CACNA2D3: variants seen among roughly 807,000 people sequenced by gnomAD.
The protein encoded by CACNA2D3 is calcium voltage-gated channel auxiliary subunit alpha2delta 3.
CACNA2D3 carries 60 observed loss-of-function variants against 160.6 expected under a neutral mutation model. The ratio of observed to expected loss-of-function variants is 0.37; its 90% CI spans 0.30 to 0.46. The LOEUF (loss-of-function observed/expected upper bound fraction) is 0.46. Ranked by LOEUF, CACNA2D3 falls within the 20% of genes least tolerant of loss-of-function variation. CACNA2D3 has a pLI of 1.00. For missense variants in CACNA2D3, 1,205 were observed against 1,365.0 expected (o/e 0.88, Z 1.85); for synonymous variants, 558 against 492.9 (o/e 1.13, Z -1.75).
At chr3:54,554,870 C>CTTTTTTTTT (rs66526065) in intron 5 of CACNA2D3, among the ~76,000 whole-genome samples, 1,115 of 95,954 alleles carry the variant, frequency 0.012, 44 homozygotes, top group African/African-American at 0.017. Context: ...CTCTCACTCT[C>CTTTTTTTTT]TTTTTTTTTT....
In CACNA2D3 at chr3:54,972,472, G is replaced by A. The variant is rs114130417; in HGVS notation, c.2556+2628G>A. Among the ~76,000 whole-genome samples the A allele has an allele frequency of 8.9e-3, 1,356 of 152,260 alleles. 22 individuals carry two copies. The highest frequency in any genetic ancestry group is 0.029 in the African/African-American group (1,205 of 41,554). On this transcript the variant is annotated intron_variant, in intron 29 of 37. Coordinates refer to ENST00000474759, the MANE Select transcript of CACNA2D3 (RefSeq NM_018398.3). ...TTTTGTAACTTTTAATTAGGCATAT[G>A]AGACCATGTTCCTCTCCCCCAACTG...
chr3:55,005,450 A>G (rs1703074886), intron 32 of CACNA2D3, among the ~76,000 whole-genome samples: 1 of 152,178 alleles, frequency 6.6e-6, no homozygotes, highest in Admixed American at 6.6e-5. Flanking sequence ...TCTCATTTGT[A>G]TATAAAAGAA....
chr3:54,228,687 G>A (rs985756609), intron 2 of CACNA2D3, among the ~76,000 whole-genome samples: 6 of 152,180 alleles, frequency 3.9e-5, no homozygotes, highest in African/African-American at 1.4e-4. Context: ...GCTCTCAGCA[G>A]GCCTCTCCTG....
intron 2 of CACNA2D3, among the ~76,000 whole-genome samples, chr3:54,214,436 C>T (rs1477840901): frequency 6.6e-6 from 1 of 152,202 alleles, no homozygotes; most frequent in African/African-American, 2.4e-5. Flanking sequence ...GAGGCCCCTT[C>T]TCCCTGGTCC....
intron 13 of CACNA2D3, among the ~76,000 whole-genome samples, chr3:54,786,161 C>G (rs1283724278): frequency 6.6e-6 from 1 of 152,210 alleles, no homozygotes; most frequent in Non-Finnish European, 1.5e-5. Context: ...TAGCACTTAG[C>G]ACAGCTTATT....
intron 4 of CACNA2D3, among the ~76,000 whole-genome samples, chr3:54,419,323 G>C (rs1359172040): frequency 6.6e-6 from 1 of 152,204 alleles, no homozygotes; most frequent in Admixed American, 6.5e-5. Flanking sequence ...TAGTCAGAGA[G>C]AACAAAAGAC....
chr3:54,627,382 G>T (rs186927284), intron 9 of CACNA2D3, among the ~76,000 whole-genome samples: 1 of 152,156 alleles, frequency 6.6e-6, no homozygotes, highest in Non-Finnish European at 1.5e-5. Context: ...GGGAGAGGGC[G>T]TGGCAGGAGA....
At chr3:54,895,866 G>C (rs2106878014) in intron 25 of CACNA2D3, among the ~76,000 whole-genome samples, 1 of 152,350 alleles carries the variant, frequency 6.6e-6, no homozygotes, top group East Asian at 1.9e-4. Flanking sequence ...ACTGGGACTT[G>C]AATATGCTTA....
At chr3:54,626,749 A>G (rs753436911) in intron 9 of CACNA2D3, 1 of 656,340 alleles carries the variant, frequency 1.5e-6, no homozygotes, top group South Asian at 1.9e-5. Flanking sequence ...GTGACTGGAA[A>G]GCAAAGCGAG....
chr3:54,329,283 G>A (rs556288977), intron 3 of CACNA2D3, among the ~76,000 whole-genome samples: 5 of 152,046 alleles, frequency 3.3e-5, no homozygotes, highest in African/African-American at 1.2e-4. Context: ...TGCCTACTAC[G>A]GTGCTTCAAA....
intron 13 of CACNA2D3, among the ~76,000 whole-genome samples, chr3:54,807,760 G>A (rs1454237858): frequency 1.3e-5 from 2 of 152,012 alleles, no homozygotes; most frequent in African/African-American, 2.4e-5. Context: ...GCACACATAT[G>A]TTTATTGTGG....
intron 11 of CACNA2D3, among the ~76,000 whole-genome samples, chr3:54,685,815 T>G (rs912682394): frequency 6.6e-6 from 1 of 152,192 alleles, no homozygotes; most frequent in Non-Finnish European, 1.5e-5. Context: ...TATCACCTGA[T>G]TCCTTCCTCC....
At chr3:54,210,252 A>T (rs989824638) in intron 2 of CACNA2D3, among the ~76,000 whole-genome samples, 4 of 152,206 alleles carry the variant, frequency 2.6e-5, no homozygotes, top group African/African-American at 9.6e-5. Context: ...ATGTCAAACT[A>T]GGATGATGAG....
chr3:54,386,355 A>T (rs1465677188), intron 3 of CACNA2D3, among the ~76,000 whole-genome samples: 1 of 152,242 alleles, frequency 6.6e-6, no homozygotes, highest in Non-Finnish European at 1.5e-5. Flanking sequence ...CAAGGCAATA[A>T]ATCTTGACTA....
chr3:54,904,082 G>C (rs1247536008), intron 27 of CACNA2D3, among the ~76,000 whole-genome samples: 1 of 152,210 alleles, frequency 6.6e-6, no homozygotes, highest in Non-Finnish European at 1.5e-5. Context: ...CCCACATCTG[G>C]CAAGAGCCTT....
At chr3:55,068,413 A>G (rs182405928) in intron 35 of CACNA2D3, among the ~76,000 whole-genome samples, 1 of 152,238 alleles carries the variant, frequency 6.6e-6, no homozygotes, top group African/African-American at 2.4e-5. Flanking sequence ...TTCTTCCTTT[A>G]CTATTTCTGT....
intron 31 of CACNA2D3, among the ~76,000 whole-genome samples, chr3:55,001,000 T>G (rs1040460170): frequency 2.6e-5 from 4 of 152,178 alleles, no homozygotes; most frequent in African/African-American, 9.7e-5. Context: ...CTTGGGCATA[T>G]TTATTTAGGC....
intron 14 of CACNA2D3, among the ~76,000 whole-genome samples, chr3:54,829,103 CAG>C (rs1703811523): frequency 6.6e-6 from 1 of 152,096 alleles, no homozygotes; most frequent in Non-Finnish European, 1.5e-5. Context: ...AATCCACAGC[CAG>C]AGTCAGATGA....
At chr3:55,074,036 G>C (rs576589151) in intron 37 of CACNA2D3, 78 bp from the exon 38 acceptor site, 7 of 1,245,506 alleles carry the variant, frequency 5.6e-6, no homozygotes, top group Non-Finnish European at 8.3e-6. Flanking sequence ...ACGTTAGAGA[G>C]GGGGAGAGAG....
Sources: allele counts gnomAD v4.1 joint callset (sites outside exome capture counted in the v4.1 genomes callset), GRCh38; gene constraint gnomAD v4.1.1; transcripts MANE v1.5; gene names NCBI Gene and HGNC (gene_info 2026-07-23, HGNC 2026-07-21).